Variants in CAMK1D observed in about 807,000 individuals in gnomAD.
CAMK1D encodes the protein calcium/calmodulin dependent protein kinase ID, also known as calcium/calmodulin-dependent protein kinase type 1D.
CAMK1D carries 9 observed loss-of-function variants against 47.7 expected under a neutral mutation model. The ratio of observed to expected loss-of-function variants is 0.19; its 90% CI spans 0.11 to 0.33. The LOEUF (loss-of-function observed/expected upper bound fraction) is 0.33. Among genes scored for constraint, CAMK1D ranks in the 10% least tolerant of loss-of-function variants. The pLI, the probability that CAMK1D is intolerant of heterozygous loss-of-function variation, is 1.00. For synonymous variants in CAMK1D, 184 were observed against 184.9 expected (o/e 0.99, Z 0.04); for missense variants, 291 against 488.7 (o/e 0.60, Z 3.81).
chr10:12,534,028 C>T (rs778565562), intron 1 of CAMK1D, among the ~76,000 whole-genome samples: 13 of 152,244 alleles, frequency 8.5e-5, no homozygotes, highest in East Asian at 1.9e-4. Context: ...GCAAGCTTCA[C>T]GGGATAAGTT....
chr10:12,684,704 T>G (rs1218475288), intron 3 of CAMK1D, among the ~76,000 whole-genome samples: 1 of 152,180 alleles, frequency 6.6e-6, no homozygotes, highest in Non-Finnish European at 1.5e-5. Context: ...TAAATATATA[T>G]TATACATCCC....
At chr10:12,735,403 G>A (rs955776008) in intron 3 of CAMK1D, among the ~76,000 whole-genome samples, 2 of 152,206 alleles carry the variant, frequency 1.3e-5, no homozygotes, top group African/African-American at 4.8e-5. Flanking sequence ...GCGTGAACCC[G>A]GGAGGCGGAG....
At chr10:12,704,366 G>T (rs1489436988) in intron 3 of CAMK1D, among the ~76,000 whole-genome samples, 1 of 152,084 alleles carries the variant, frequency 6.6e-6, no homozygotes, top group Admixed American at 6.6e-5. Context: ...TATTATCTTA[G>T]TTTTGTAGGA....
intron 3 of CAMK1D, among the ~76,000 whole-genome samples, chr10:12,690,200 T>A (rs886676476): frequency 6.6e-6 from 1 of 152,202 alleles, no homozygotes; most frequent in Non-Finnish European, 1.5e-5. Context: ...GCCAGAAATA[T>A]GTGTAGCCAC....
intron 1 of CAMK1D, among the ~76,000 whole-genome samples, chr10:12,515,203 TA>T (rs1174408290): frequency 1.3e-5 from 2 of 151,836 alleles, no homozygotes; most frequent in Non-Finnish European, 2.9e-5. Flanking sequence ...TTATATGCAG[TA>T]AAAATGACTC....
intron 1 of CAMK1D, among the ~76,000 whole-genome samples, chr10:12,443,462 G>C (rs1031763194): frequency 6.6e-6 from 1 of 152,092 alleles, no homozygotes; most frequent in Non-Finnish European, 1.5e-5. Context: ...TACAGGAAAG[G>C]GGTCCTGATC....
chr10:12,469,042 C>T (rs551659693), intron 1 of CAMK1D, among the ~76,000 whole-genome samples: 25 of 152,102 alleles, frequency 1.6e-4, no homozygotes, highest in African/African-American at 4.6e-4. Context: ...ATCAAGTGAA[C>T]GGCTCCACAG....
At chr10:12,724,830 C>T (rs532002970) in intron 3 of CAMK1D, among the ~76,000 whole-genome samples, 26 of 151,696 alleles carry the variant, frequency 1.7e-4, no homozygotes, top group African/African-American at 5.3e-4. Flanking sequence ...CAGTGAGCTA[C>T]GGTCACACTG....
At chr10:12,534,083 G>A (rs549588781) in intron 1 of CAMK1D, among the ~76,000 whole-genome samples, 1 of 152,144 alleles carries the variant, frequency 6.6e-6, no homozygotes, top group South Asian at 2.1e-4. Context: ...GGAATTTTGG[G>A]GACTGTACTT....
chr10:12,561,425 G>A (rs919632076), intron 2 of CAMK1D, among the ~76,000 whole-genome samples: 2 of 152,016 alleles, frequency 1.3e-5, no homozygotes, highest in Non-Finnish European at 2.9e-5. Flanking sequence ...TTTAATCACC[G>A]AGAAGAGTTG....
intron 5 of CAMK1D, among the ~76,000 whole-genome samples, chr10:12,777,363 C>CTTTTTT (rs869192068): frequency 1.1e-5 from 1 of 88,524 alleles, no homozygotes; most frequent in Non-Finnish European, 2.3e-5. Context: ...TTTGGTTGAA[C>CTTTTTT]TTTTTTTTTT....
chr10:12,520,156 G>A (rs1341179584), intron 1 of CAMK1D, among the ~76,000 whole-genome samples: 1 of 75,272 alleles, frequency 1.3e-5, no homozygotes, highest in Non-Finnish European at 2.8e-5. Context: ...CGGACGGAGG[G>A]GCTCCCCACT....
chr10:12,681,491 A>G (rs1168489287), intron 3 of CAMK1D, among the ~76,000 whole-genome samples: 1 of 152,268 alleles, frequency 6.6e-6, no homozygotes, highest in East Asian at 1.9e-4. Context: ...CCCGTGGAGG[A>G]AACCACATTG....
At chr10:12,651,927 C>T (rs1348852847) in intron 2 of CAMK1D, among the ~76,000 whole-genome samples, 3 of 151,814 alleles carry the variant, frequency 2.0e-5, no homozygotes, top group Non-Finnish European at 2.9e-5. Context: ...TACAGGTGCC[C>T]GCCACCACGC....
rs576449517 is a variant in CAMK1D at position 12,428,622 on chromosome 10, G to A, written c.92+78712G>A. Among the ~76,000 whole-genome samples, 5 of 152,252 alleles carry A rather than the reference G, an allele frequency of 3.3e-5. No individual in the cohort carries two copies. In the South Asian group the frequency reaches 1.0e-3, roughly 32 times the overall value. ...AGGGCAGCCCCGGGAAGAGGCCAGC[G>A]GGATCTGGGCACTGTCCCATGTCAG... On this transcript the variant is annotated intron_variant, in intron 1 of 10. Transcript: ENST00000619168.
chr10:12,527,548 A>G (rs1253561035), intron 1 of CAMK1D, among the ~76,000 whole-genome samples: 1 of 151,786 alleles, frequency 6.6e-6, no homozygotes, highest in Non-Finnish European at 1.5e-5. Flanking sequence ...TTGTATTTTT[A>G]GTAGAGACAG....
chr10:12,676,372 C>T (rs1158952025), intron 3 of CAMK1D, among the ~76,000 whole-genome samples: 4 of 152,208 alleles, frequency 2.6e-5, no homozygotes, highest in African/African-American at 9.7e-5. Context: ...ACTCCCGCCA[C>T]CACCTCGTGA....
chr10:12,612,572 T>G (rs552492790), intron 2 of CAMK1D, among the ~76,000 whole-genome samples: 3 of 152,046 alleles, frequency 2.0e-5, no homozygotes, highest in African/African-American at 7.3e-5. Flanking sequence ...GTTGACAGGA[T>G]CAGAGCAAGA....
At chr10:12,712,385 CAG>C (rs1833970721) in intron 3 of CAMK1D, among the ~76,000 whole-genome samples, 1 of 152,206 alleles carries the variant, frequency 6.6e-6, no homozygotes. Context: ...GAGGGGCACA[CAG>C]GGTGAAGAAG....
Sources: allele counts gnomAD v4.1 joint callset (sites outside exome capture counted in the v4.1 genomes callset), GRCh38; gene constraint gnomAD v4.1.1; transcripts MANE v1.5; gene names NCBI Gene and HGNC (gene_info 2026-07-23, HGNC 2026-07-21).